The following HCRTR2 variants were observed in gnomAD, a reference collection of about 807,000 sequenced individuals.
HCRTR2 encodes hypocretin receptor 2, also known as orexin receptor type 2.
In HCRTR2, 22 loss-of-function variants were observed where a neutral mutation model predicts 49.0. That is an observed-to-expected ratio of 0.45 (90% confidence interval 0.32 to 0.64). The LOEUF is 0.64. Among genes scored for constraint, HCRTR2 ranks in the 30% least tolerant of loss-of-function variants. The pLI is 0.04. For synonymous variants in HCRTR2, 236 were observed against 205.3 expected (o/e 1.15, Z -1.28); for missense variants, 491 against 559.4 (o/e 0.88, Z 1.23).
chr6:55,164,995 G>A (rs1386866928), intron 1 of HCRTR2, among the ~76,000 whole-genome samples: 1 of 152,106 alleles, frequency 6.6e-6, no homozygotes, highest in African/African-American at 2.4e-5. Flanking sequence ...AAAAATTCAT[G>A]CAGAAATTTT....
intron 2 of HCRTR2, among the ~76,000 whole-genome samples, chr6:55,249,274 T>C (rs1766504811): frequency 6.6e-6 from 1 of 152,142 alleles, no homozygotes; most frequent in African/African-American, 2.4e-5. Flanking sequence ...GTCCAAGTCA[T>C]TGAGCATATT....
chr6:55,239,513 A>T (rs1193095228), intron 1 of HCRTR2, among the ~76,000 whole-genome samples: 1 of 152,170 alleles, frequency 6.6e-6, no homozygotes, highest in Non-Finnish European at 1.5e-5. Flanking sequence ...TGTGTGTGTG[A>T]AGATACTCTT....
chr6:55,175,714 G>A (rs1345437716), intron 1 of HCRTR2, among the ~76,000 whole-genome samples: 1 of 152,112 alleles, frequency 6.6e-6, no homozygotes, highest in Non-Finnish European at 1.5e-5. Flanking sequence ...GAGGGTTGGG[G>A]AGGGGGTGAG....
chr6:55,112,236 G>A (rs1482150507), intron 1 of HCRTR2, among the ~76,000 whole-genome samples: 1 of 151,972 alleles, frequency 6.6e-6, no homozygotes, highest in Non-Finnish European at 1.5e-5. Context: ...ACTGAAGCAA[G>A]GTGAGGATGC....
chr6:55,251,619 CCTCT>C, intron 2 of HCRTR2, among the ~76,000 whole-genome samples: 1 of 152,014 alleles, frequency 6.6e-6, no homozygotes, highest in South Asian at 2.1e-4. Context: ...AAACAAGCTC[CCTCT>C]CTTTCAGTCA....
rs367712301 is a variant in HCRTR2 at position 55,252,979 on chromosome 6, T to G, written c.403-2157T>G. Among the ~76,000 whole-genome samples, 43 of 152,108 alleles carry G rather than the reference T, an allele frequency of 2.8e-4. 1 individual carries two copies. In the South Asian group the frequency reaches 4.1e-3, roughly 15 times the overall value. ...CTAACTGTCCATACAATTCCATGGT[T>G]AGGTACTATTAATCATCCACATTTT... On this transcript the variant is annotated intron_variant, in intron 2 of 6. Coordinates refer to ENST00000370862, the MANE Select transcript of HCRTR2 (RefSeq NM_001384272.1).
intron 1 of HCRTR2, among the ~76,000 whole-genome samples, chr6:55,113,825 CA>C (rs1417702291): frequency 6.6e-6 from 1 of 151,586 alleles, no homozygotes; most frequent in Non-Finnish European, 1.5e-5. Flanking sequence ...GAGTCATATG[CA>C]AAAAAGACAC....
chr6:55,256,563 T>G (rs1766656635), intron 3 of HCRTR2, among the ~76,000 whole-genome samples: 1 of 152,184 alleles, frequency 6.6e-6, no homozygotes, highest in African/African-American at 2.4e-5. Flanking sequence ...TTGCTTTATC[T>G]ATTACCCCAA....
At position 55,255,116 on chromosome 6, in the gene HCRTR2, A is replaced by G. The variant is rs1766624591; in HGVS notation, c.403-20A>G. ...TAACAGCTGGTGCTTCTCTATTACT[A>G]TGATCTTTCTTTTCTCTAGACCGTG... On this transcript the variant is annotated intron_variant, in intron 2 of 6. Transcript: ENST00000370862. 4 of 1,613,488 alleles carry G rather than the reference A, an allele frequency of 2.5e-6. No individual in the cohort carries two copies. The highest frequency in any genetic ancestry group is 1.3e-5 in the African/African-American group (1 of 75,010).
chr6:55,109,463 A>AT (rs1294009327), intron 1 of HCRTR2, among the ~76,000 whole-genome samples: 2 of 152,120 alleles, frequency 1.3e-5, no homozygotes, highest in African/African-American at 4.8e-5. Flanking sequence ...ACTTAAAGAA[A>AT]TTAAAAAAAA....
At chr6:55,134,614 C>A (rs913973866) in intron 1 of HCRTR2, among the ~76,000 whole-genome samples, 4 of 151,828 alleles carry the variant, frequency 2.6e-5, no homozygotes, top group Non-Finnish European at 5.9e-5. Context: ...TTTTGACCAA[C>A]ATCTCCCCAT....
chr6:55,123,611 G>C (rs141604290), intron 1 of HCRTR2, among the ~76,000 whole-genome samples: 2 of 152,042 alleles, frequency 1.3e-5, no homozygotes, highest in Non-Finnish European at 2.9e-5. Context: ...TCTCTGCCAG[G>C]TTTTGCTATT....
At chr6:55,249,161 C>G (rs1766503235) in intron 2 of HCRTR2, among the ~76,000 whole-genome samples, 1 of 152,000 alleles carries the variant, frequency 6.6e-6, no homozygotes, top group Admixed American at 6.6e-5. Context: ...CCTAATTTCC[C>G]CATTGTTAAA....
intron 1 of HCRTR2, among the ~76,000 whole-genome samples, chr6:55,233,833 A>G (rs1269264919): frequency 5.9e-5 from 9 of 152,220 alleles, no homozygotes; most frequent in Admixed American, 6.5e-5. Context: ...ATGATTTAAT[A>G]TTATTTAGTA....
intron 4 of HCRTR2, among the ~76,000 whole-genome samples, chr6:55,264,504 A>T (rs1766826910): frequency 6.6e-6 from 1 of 152,050 alleles, no homozygotes; most frequent in African/African-American, 2.4e-5. Flanking sequence ...CCATTGAGGA[A>T]TTCATAGTCT....
Position 55,148,520 on chromosome 6 carries a change from T to C in HCRTR2, c.-377-25691T>C, listed in dbSNP as rs77291648. Among the ~76,000 whole-genome samples, 757 of 152,272 alleles carry C rather than the reference T, an allele frequency of 5.0e-3. 5 individuals are homozygous for C. The highest frequency in any genetic ancestry group is 0.017 in the African/African-American group (699 of 41,564). ...TACCCACCTACCATGTGCTTCTCCA[T>C]GCTACTTCAAACTTGAGTGTAAGAA... On this transcript the variant is annotated intron_variant, in intron 1 of 7. Coordinates refer to the HCRTR2 transcript ENST00000615358.
At chr6:55,223,632 T>C (rs1765940743) in intron 1 of HCRTR2, among the ~76,000 whole-genome samples, 1 of 152,228 alleles carries the variant, frequency 6.6e-6, no homozygotes, top group Non-Finnish European at 1.5e-5. Context: ...ACTCTAGATT[T>C]ATTCTCTGTT....
intron 1 of HCRTR2, among the ~76,000 whole-genome samples, chr6:55,238,835 A>T (rs2127304168): frequency 6.6e-6 from 1 of 152,350 alleles, no homozygotes; most frequent in Admixed American, 6.5e-5. Flanking sequence ...GCGGTGAAAG[A>T]GAAAAGCATT....
At chr6:55,227,725 T>A (rs1170091496) in intron 1 of HCRTR2, among the ~76,000 whole-genome samples, 1 of 152,168 alleles carries the variant, frequency 6.6e-6, no homozygotes, top group Non-Finnish European at 1.5e-5. Flanking sequence ...ATGCTGTTGG[T>A]TATACTTGGC....
Sources: gnomAD v4.1 joint callset for allele counts (sites outside exome capture counted in the v4.1 genomes callset) on GRCh38, gnomAD v4.1.1 for gene constraint, MANE v1.5 for transcripts, NCBI Gene and HGNC (gene_info 2026-07-23, HGNC 2026-07-21) for gene names.